The following CFDP1 variants were observed in gnomAD, a reference collection of about 807,000 sequenced individuals.
CFDP1 encodes the protein chromatin remodeling protein CFDP1, also known as heterochromatin-stabilizing protein CFDP1.
A neutral mutation model predicts 40.1 loss-of-function variants in CFDP1; 31 were observed. The ratio of observed to expected loss-of-function variants is 0.77; its 90% CI spans 0.58 to 1.04. The LOEUF (loss-of-function observed/expected upper bound fraction) is 1.04, where lower values mean the gene tolerates loss of function less well. Among genes scored for constraint, CFDP1 ranks in the 50% least tolerant of loss-of-function variants. CFDP1 has a pLI of 0.00. For missense variants in CFDP1, 423 were observed against 343.4 expected (o/e 1.23, Z -1.83); for synonymous variants, 167 against 120.0 (o/e 1.39, Z -2.56).
intron 1 of CFDP1, among the ~76,000 whole-genome samples, chr16:75,420,036 T>C (rs1356699493): frequency 6.9e-6 from 1 of 145,908 alleles, no homozygotes; most frequent in African/African-American, 2.6e-5. Flanking sequence ...TAACAGGTAG[T>C]CTCAGCTACC....
At chr16:75,315,352 A>AAAT (rs2078317709) in intron 5 of CFDP1, among the ~76,000 whole-genome samples, 1 of 150,082 alleles carries the variant, frequency 6.7e-6, no homozygotes, top group Admixed American at 6.6e-5. Flanking sequence ...AAAAAAAAAA[A>AAAT]AAAAAAAAGA....
At chr16:75,356,379 TG>T (rs1040982186) in intron 5 of CFDP1, among the ~76,000 whole-genome samples, 6 of 152,212 alleles carry the variant, frequency 3.9e-5, no homozygotes, top group African/African-American at 1.4e-4. Flanking sequence ...TATGGATGAC[TG>T]GGTACACTGT....
At chr16:75,328,915 T>C (rs9933956) in intron 5 of CFDP1, among the ~76,000 whole-genome samples, 121,811 of 148,612 alleles carry the variant, frequency 0.82, 50,108 homozygotes, top group Middle Eastern at 0.9. Flanking sequence ...AGCACAACCT[T>C]GGCTCACTGG....
intron 5 of CFDP1, chr16:75,391,381 T>C (rs1295630414): frequency 6.6e-6 from 1 of 152,234 alleles, no homozygotes; most frequent in Non-Finnish European, 1.5e-5. Context: ...CATACAAACC[T>C]GGCAACTCTT....
intron 5 of CFDP1, among the ~76,000 whole-genome samples, chr16:75,373,119 C>G (rs757763117): frequency 6.6e-6 from 1 of 152,198 alleles, no homozygotes; most frequent in Non-Finnish European, 1.5e-5. Flanking sequence ...TCCCATCTGT[C>G]TACTTTCCCT....
At position 75,307,820 on chromosome 16, in the gene CFDP1, G is replaced by A. The variant is rs1021306548; in HGVS notation, c.651-2638C>T. Among the ~76,000 whole-genome samples, 37 of 152,052 alleles carry A rather than the reference G, an allele frequency of 2.4e-4. 1 individual carries two copies. Among genetic ancestry groups the A allele is most frequent in the African/African-American group, 7.7e-4 (32 of 41,410 alleles). On this transcript the variant is annotated intron_variant, in intron 5 of 6. Coordinates refer to ENST00000283882, the MANE Select transcript of CFDP1 (RefSeq NM_006324.3). Reference sequence around the variant, plus strand: ...AGCAATCCTCCTGCCTTGGCCTCCCGAAGTACTGGGATTATAGGCACAAGC... The same window carrying A: ...AGCAATCCTCCTGCCTTGGCCTCCCAAAGTACTGGGATTATAGGCACAAGC...
intron 6 of CFDP1, among the ~76,000 whole-genome samples, chr16:75,297,778 C>T (rs775896028): frequency 2.0e-5 from 3 of 152,200 alleles, no homozygotes; most frequent in Non-Finnish European, 2.9e-5. Flanking sequence ...TTAGGCACAA[C>T]AGGCTCTGAC....
At chr16:75,299,467 C>T (rs4558442) in intron 6 of CFDP1, among the ~76,000 whole-genome samples, 78,556 of 150,390 alleles carry the variant, frequency 0.52, 21,665 homozygotes, top group Admixed American at 0.67. Flanking sequence ...TGGTGGCGGG[C>T]GCCTGTAGTC....
At chr16:75,294,517 G>C (rs2078168179) in intron 6 of CFDP1, among the ~76,000 whole-genome samples, 1 of 152,208 alleles carries the variant, frequency 6.6e-6, no homozygotes, top group Non-Finnish European at 1.5e-5. Flanking sequence ...AACATGAAAA[G>C]GGGGCATGTG....
chr16:75,343,406 C>T (rs1162429159), intron 5 of CFDP1, among the ~76,000 whole-genome samples: 1 of 152,162 alleles, frequency 6.6e-6, no homozygotes, highest in Admixed American at 6.5e-5. Flanking sequence ...GGTTTCCTTA[C>T]ACTAAATGTG....
At chr16:75,303,400 A>AATGAATGT (rs55834001) in intron 6 of CFDP1, among the ~76,000 whole-genome samples, 17 of 146,244 alleles carry the variant, frequency 1.2e-4, no homozygotes, top group East Asian at 4.0e-4. Flanking sequence ...TAAATAAATA[A>AATGAATGT]ATGTATGTAT....
chr16:75,342,747 C>A (rs2078535581), intron 5 of CFDP1, among the ~76,000 whole-genome samples: 1 of 152,202 alleles, frequency 6.6e-6, no homozygotes, highest in South Asian at 2.1e-4. Context: ...TTGGAAGAAA[C>A]CACAGGGCAG....
chr16:75,366,244 T>A (rs2078712760), intron 5 of CFDP1, among the ~76,000 whole-genome samples: 1 of 152,106 alleles, frequency 6.6e-6, no homozygotes. Context: ...AGAAAACATT[T>A]GTTTTCTGGC....
chr16:75,391,102 G>A lies in CFDP1; in HGVS notation c.650+3988C>T, dbSNP rs2078945696. Among the ~76,000 whole-genome samples, 5 of 152,226 alleles carry A rather than the reference G, an allele frequency of 3.3e-5. No individual in the cohort carries two copies. In the South Asian group the frequency reaches 8.3e-4, roughly 25 times the overall value. On this transcript the variant is annotated intron_variant, in intron 5 of 6. Transcript: ENST00000283882. ...GAGTGACTTAAGCTGATTTTAAGCTGCCATTTCTCCATTCTTTAGTTATTT... is the reference window on the plus strand; with the variant it reads ...GAGTGACTTAAGCTGATTTTAAGCTACCATTTCTCCATTCTTTAGTTATTT...
chr16:75,393,609 TA>T (rs2078970540), intron 5 of CFDP1, among the ~76,000 whole-genome samples: 1 of 150,754 alleles, frequency 6.6e-6, no homozygotes, highest in Non-Finnish European at 1.5e-5. Flanking sequence ...CGGGCGCCTG[TA>T]GTCCCAGCTA....
intron 4 of CFDP1, among the ~76,000 whole-genome samples, chr16:75,408,459 TCAC>T (rs1240463910): frequency 6.6e-6 from 1 of 152,002 alleles, no homozygotes; most frequent in Non-Finnish European, 1.5e-5. Context: ...ACAAGCTCTT[TCAC>T]CACAATAAAA....
chr16:75,421,754 A>C (rs2079282981), intron 1 of CFDP1, among the ~76,000 whole-genome samples: 1 of 152,182 alleles, frequency 6.6e-6, no homozygotes, highest in Admixed American at 6.5e-5. Flanking sequence ...ATTACCAAAA[A>C]ACTACAGATC....
chr16:75,412,641 C>T lies in CFDP1; in HGVS notation c.296G>A (p.Gly99Asp), dbSNP rs868457975. ...TTTCCTGGCATCCTCTGATCCAATGCCTTTTTCCTGCTCTGCAGCGTCATC... is the reference window on the plus strand; with the variant it reads ...TTTCCTGGCATCCTCTGATCCAATGTCTTTTTCCTGCTCTGCAGCGTCATC... ...EEDDAAEQEKGIGSEDARKKK... is the reference protein window; with the variant it reads ...EEDDAAEQEKDIGSEDARKKK... The change falls in exon 3 of 7, where the codon GGC becomes GAC. Residue 99 changes from glycine (G) to aspartate (D), a missense_variant. By Grantham distance (94) the Gly-to-Asp change is moderately conservative. Transcript: ENST00000283882. The T allele has an allele frequency of 5.6e-6, 9 of 1,614,114 alleles. No homozygotes were observed. The highest frequency in any genetic ancestry group is 3.3e-4 in the Middle Eastern group (2 of 6,062).
intron 5 of CFDP1, chr16:75,372,175 T>C (rs1458588827): frequency 1.3e-5 from 2 of 152,214 alleles, no homozygotes; most frequent in Non-Finnish European, 2.9e-5. Context: ...CTCTTCCCTA[T>C]ACTGTAAAAT....
Sources: gnomAD v4.1 joint callset for allele counts (sites outside exome capture counted in the v4.1 genomes callset) on GRCh38, gnomAD v4.1.1 for gene constraint, MANE v1.5 for transcripts, NCBI Gene and HGNC (gene_info 2026-07-23, HGNC 2026-07-21) for gene names.